The following WWOX variants were observed in gnomAD, a reference collection of about 807,000 sequenced individuals.
WWOX encodes the protein WW domain containing oxidoreductase.
A neutral mutation model predicts 46.2 loss-of-function variants in WWOX; 69 were observed. The ratio of observed to expected loss-of-function variants is 1.49; its 90% CI spans 1.23 to 1.82. The LOEUF (loss-of-function observed/expected upper bound fraction) is 1.82. Ranked by LOEUF, WWOX falls within the 40% of genes most tolerant of loss-of-function variation. The pLI, the probability that WWOX is intolerant of heterozygous loss-of-function variation, is 0.00. For missense variants in WWOX, 919 were observed against 542.6 expected, an observed-to-expected ratio of 1.69 and a Z score of -6.89; for synonymous variants, 359 against 202.6, an observed-to-expected ratio of 1.77 and a Z score of -6.56.
chr16:79,046,725 G>A (rs539962741), intron 8 of WWOX, among the ~76,000 whole-genome samples: 7 of 152,276 alleles, frequency 4.6e-5, no homozygotes, highest in African/African-American at 1.4e-4. Context: ...CAGCCATTCA[G>A]CTCCCACCTC....
chr16:78,235,160 A>G (rs2037393886), intron 5 of WWOX, among the ~76,000 whole-genome samples: 1 of 152,186 alleles, frequency 6.6e-6, no homozygotes, highest in African/African-American at 2.4e-5. Context: ...ATTTAGTATT[A>G]TTGTTGTTAC....
intron 8 of WWOX, among the ~76,000 whole-genome samples, chr16:78,458,153 G>A (rs1448723361): frequency 6.6e-6 from 1 of 151,856 alleles, no homozygotes; most frequent in Non-Finnish European, 1.5e-5. Flanking sequence ...CCTCAGATGT[G>A]AAGGTGTGTT....
rs571272846 is a variant in WWOX, at chr16:78,977,517, C to T, written c.1057-234091C>T. ...TTCCCTATTAGAATCCCACCATAGA[C>T]GCCCTCTCTGCATGTGTCCTTGTCT... On this transcript the variant is annotated intron_variant, in intron 8 of 8. Transcript: ENST00000566780. 1.1e-4 allele frequency among the ~76,000 whole-genome samples: 16 copies of T among 152,146 alleles called. No individual in the cohort carries two copies. In the South Asian group the frequency reaches 2.3e-3, roughly 22 times the overall value.
intron 8 of WWOX, among the ~76,000 whole-genome samples, chr16:79,146,816 C>T (rs1323351074): frequency 6.6e-6 from 1 of 152,010 alleles, no homozygotes; most frequent in Non-Finnish European, 1.5e-5. Flanking sequence ...GATTGGAGAC[C>T]CCAGCAGAAG....
chr16:78,894,826 C>A (rs1012788152), intron 8 of WWOX, among the ~76,000 whole-genome samples: 3 of 152,176 alleles, frequency 2.0e-5, no homozygotes, highest in African/African-American at 7.2e-5. Context: ...CTTCAGTTTT[C>A]CACAATGCGG....
chr16:78,746,787 G>A (rs1567532778), intron 8 of WWOX, among the ~76,000 whole-genome samples: 1 of 152,116 alleles, frequency 6.6e-6, no homozygotes, highest in East Asian at 1.9e-4. Flanking sequence ...AGCAAACCCA[G>A]TCAATATCAG....
chr16:78,432,746 G>T lies in WWOX; in HGVS notation c.1050G>T (p.Lys350Asn). 1 of 1,614,170 alleles carries T rather than the reference G, an allele frequency of 6.2e-7. No individual in the cohort carries two copies. The highest frequency in any genetic ancestry group is 1.1e-5 in the South Asian group (1 of 91,086). The change falls in exon 8 of 9, where the codon AAG becomes AAT. Residue 350 changes from lysine to asparagine, a missense_variant. Transcript: ENST00000566780. ...LLFTLARPFT[K>N]SMQQGAATTV... is the part of the protein sequence containing the mutation. Reference sequence around the variant, plus strand: ...TTACCTTGGCGAGGCCTTTCACCAAGTCCATGGTAAGAGAACAGCTTCTGG... The same window carrying T: ...TTACCTTGGCGAGGCCTTTCACCAATTCCATGGTAAGAGAACAGCTTCTGG...
At chr16:78,151,846 T>C (rs2034419357) in intron 4 of WWOX, among the ~76,000 whole-genome samples, 1 of 152,198 alleles carries the variant, frequency 6.6e-6, no homozygotes, top group Admixed American at 6.5e-5. Context: ...GTTTAACCAC[T>C]TTTGTGTCTT....
intron 4 of WWOX, among the ~76,000 whole-genome samples, chr16:78,159,909 T>A (rs2034734488): frequency 6.6e-6 from 1 of 152,060 alleles, no homozygotes; most frequent in Admixed American, 6.5e-5. Flanking sequence ...GTCCTTTTAT[T>A]CATCCCTGAT....
chr16:78,889,110 C>T (rs971669772), intron 8 of WWOX, among the ~76,000 whole-genome samples: 3 of 152,272 alleles, frequency 2.0e-5, no homozygotes, highest in African/African-American at 7.2e-5. Context: ...ACTGCCTGCC[C>T]TGTGGAGTCG....
chr16:78,569,874 G>C (rs1032136391), intron 8 of WWOX, among the ~76,000 whole-genome samples: 7 of 152,132 alleles, frequency 4.6e-5, no homozygotes, highest in Non-Finnish European at 7.3e-5. Context: ...GCTGCTTCTA[G>C]CTCATCATCT....
At chr16:78,569,349 C>T (rs1048649204) in intron 8 of WWOX, among the ~76,000 whole-genome samples, 2 of 152,146 alleles carry the variant, frequency 1.3e-5, no homozygotes, top group Non-Finnish European at 2.9e-5. Context: ...ACTTGACATC[C>T]ACATTTGAGT....
intron 8 of WWOX, among the ~76,000 whole-genome samples, chr16:78,466,006 A>C (rs1206040291): frequency 6.6e-6 from 1 of 151,002 alleles, no homozygotes; most frequent in Non-Finnish European, 1.5e-5. Context: ...CCTGTTAATG[A>C]GTACAAGTTT....
chr16:78,321,550 G>C (rs9926434), intron 5 of WWOX, among the ~76,000 whole-genome samples: 69,063 of 151,544 alleles, frequency 0.46, 16,356 homozygotes, highest in East Asian at 0.72. Flanking sequence ...GTTTGTGGGT[G>C]TGTAGGACTG....
chr16:78,944,168 T>G (rs946297451), intron 8 of WWOX, among the ~76,000 whole-genome samples: 3 of 152,222 alleles, frequency 2.0e-5, no homozygotes, highest in Non-Finnish European at 2.9e-5. Context: ...GATTTTTGTC[T>G]TTCAAGACTC....
At chr16:78,517,346 C>T (rs1431504124) in intron 8 of WWOX, among the ~76,000 whole-genome samples, 1 of 108,648 alleles carries the variant, frequency 9.2e-6, no homozygotes, top group South Asian at 3.2e-4. Flanking sequence ...TTGGTTCTCT[C>T]CTATATTTTG....
intron 8 of WWOX, among the ~76,000 whole-genome samples, chr16:78,859,023 A>AT (rs1264860224): frequency 1.6e-3 from 52 of 33,244 alleles, no homozygotes; most frequent in Non-Finnish European, 2.5e-3. Context: ...AAAAAAAAAA[A>AT]AAAAATATAT....
In WWOX at chr16:78,687,165, A is replaced by G. The variant is rs572908036; in HGVS notation, c.1056+254413A>G. 1.1e-4 allele frequency among the ~76,000 whole-genome samples: 17 copies of G among 152,284 alleles called. No individual in the cohort carries two copies. In the East Asian group the frequency reaches 2.9e-3, roughly 26 times the overall value. On this transcript the variant is annotated intron_variant, in intron 8 of 8. Coordinates refer to ENST00000566780, the MANE Select transcript of WWOX (RefSeq NM_016373.4). ...TAACCACCCAAATTAGCAGTGTTTC[A>G]TATTTACACTGTTCAACACAGTTCT...
chr16:78,407,532 A>G (rs759558133), intron 6 of WWOX, among the ~76,000 whole-genome samples: 43 of 152,010 alleles, frequency 2.8e-4, no homozygotes, highest in Non-Finnish European at 2.2e-4. Flanking sequence ...GTGTAACTCA[A>G]CCCCATGGTG....
Sources: gnomAD v4.1 joint callset for allele counts (sites outside exome capture counted in the v4.1 genomes callset) on GRCh38, gnomAD v4.1.1 for gene constraint, MANE v1.5 for transcripts, NCBI Gene and HGNC (gene_info 2026-07-23, HGNC 2026-07-21) for gene names.